The following CDKN2B-AS1 variants were observed in gnomAD, a reference collection of about 807,000 sequenced individuals.
CDKN2B-AS1 encodes CDKN2B and CDKN2A antisense cis and trans regulatory RNA 1.
intron 1 of CDKN2B-AS1, among the ~76,000 whole-genome samples, chr9:22,035,202 T>C (rs1822639639): frequency 6.6e-6 from 1 of 152,152 alleles, no homozygotes; most frequent in South Asian, 2.1e-4. Flanking sequence ...AAATAAGTGC[T>C]GCTGAGGGCA....
At chr9:21,998,735 C>T (rs1025672749) in intron 1 of CDKN2B-AS1, among the ~76,000 whole-genome samples, 1 of 152,082 alleles carries the variant, frequency 6.6e-6, no homozygotes, top group Admixed American at 6.5e-5. Flanking sequence ...TTGTCTTGTT[C>T]TCCTCCTCCC....
intron 4 of CDKN2B-AS1, among the ~76,000 whole-genome samples, chr9:22,091,685 C>A (rs150901650): frequency 6.6e-6 from 1 of 152,136 alleles, no homozygotes; most frequent in Non-Finnish European, 1.5e-5. Context: ...TATCCTGAGA[C>A]TTTGCTGAAG....
At chr9:22,097,382 A>G (rs1019171461) in intron 4 of CDKN2B-AS1, 3 of 152,224 alleles carry the variant, frequency 2.0e-5, no homozygotes, top group African/African-American at 7.2e-5. Context: ...AAAATATCAG[A>G]AAAAGGGAAA....
At chr9:22,015,119 A>G (rs1821684473) in intron 1 of CDKN2B-AS1, among the ~76,000 whole-genome samples, 1 of 152,066 alleles carries the variant, frequency 6.6e-6, no homozygotes, top group Non-Finnish European at 1.5e-5. Flanking sequence ...CTTTGGGTAT[A>G]TACCCAGTAA....
intron 1 of CDKN2B-AS1, among the ~76,000 whole-genome samples, chr9:22,034,778 A>G (rs575552213): frequency 6.6e-6 from 1 of 152,078 alleles, no homozygotes; most frequent in African/African-American, 2.4e-5. Context: ...TGTAATAAAG[A>G]CTCACCCATA....
intron 4 of CDKN2B-AS1, among the ~76,000 whole-genome samples, chr9:22,067,228 A>G (rs1262002280): frequency 1.3e-5 from 2 of 152,180 alleles, no homozygotes; most frequent in African/African-American, 4.8e-5. Flanking sequence ...AACAAAAAAA[A>G]CCACTGCACA....
At chr9:22,008,619 GTC>G (rs1300911352) in intron 1 of CDKN2B-AS1, 8 of 1,559,876 alleles carry the variant, frequency 5.1e-6, no homozygotes, top group Non-Finnish European at 6.1e-6. Context: ...GTTTTTCAAT[GTC>G]TCTCTTTAGG....
At chr9:22,012,720 AAGAT>A (rs1224034060) in intron 1 of CDKN2B-AS1, among the ~76,000 whole-genome samples, 1 of 152,202 alleles carries the variant, frequency 6.6e-6, no homozygotes, top group African/African-American at 2.4e-5. Flanking sequence ...GATTAGGACT[AAGAT>A]AGTGTTTATA....
chr9:22,078,276 T>G (rs1304572991), intron 4 of CDKN2B-AS1, among the ~76,000 whole-genome samples: 1 of 152,204 alleles, frequency 6.6e-6, no homozygotes, highest in Admixed American at 6.5e-5. Flanking sequence ...TTTTTTTTTT[T>G]CAGATTTTGG....
intron 4 of CDKN2B-AS1, among the ~76,000 whole-genome samples, chr9:22,115,298 T>A (rs1051407480): frequency 2.6e-5 from 4 of 152,292 alleles, no homozygotes; most frequent in Non-Finnish European, 1.5e-5. Context: ...GGGGAAGGTG[T>A]CCCTTAGTGA....
chr9:22,025,137 G>A (rs1298930284), intron 1 of CDKN2B-AS1, among the ~76,000 whole-genome samples: 3 of 152,174 alleles, frequency 2.0e-5, no homozygotes, highest in African/African-American at 4.8e-5. Flanking sequence ...CTACCACTTT[G>A]CTTGTCTCTT....
chr9:22,033,159 A>G (rs1480054141), intron 1 of CDKN2B-AS1, among the ~76,000 whole-genome samples: 1 of 152,118 alleles, frequency 6.6e-6, no homozygotes, highest in Non-Finnish European at 1.5e-5. Flanking sequence ...GTTTCAACCC[A>G]GAGCACCCCC....
intron 1 of CDKN2B-AS1, among the ~76,000 whole-genome samples, chr9:22,036,805 G>C (rs958108098): frequency 6.6e-6 from 1 of 152,040 alleles, no homozygotes; most frequent in African/African-American, 2.4e-5. Flanking sequence ...TATCTACTTT[G>C]TGCCTCTTTC....
chr9:22,020,660 T>G (rs559216806), intron 1 of CDKN2B-AS1, among the ~76,000 whole-genome samples: 2 of 152,262 alleles, frequency 1.3e-5, no homozygotes, highest in African/African-American at 2.4e-5. Context: ...ATATGATTGT[T>G]AGCCACATGT....
At chr9:22,101,031 T>G (rs560261444) in intron 4 of CDKN2B-AS1, among the ~76,000 whole-genome samples, 12 of 152,232 alleles carry the variant, frequency 7.9e-5, no homozygotes, top group Non-Finnish European at 1.5e-4. Context: ...TTAGGATTCT[T>G]TGTATTTTTA....
intron 4 of CDKN2B-AS1, among the ~76,000 whole-genome samples, chr9:22,108,614 C>G (rs1420615925): frequency 6.6e-6 from 1 of 152,148 alleles, no homozygotes; most frequent in African/African-American, 2.4e-5. Context: ...CTGAATTATT[C>G]CTTTAGAAAA....
chr9:22,114,492 C>A (rs935984795), intron 4 of CDKN2B-AS1, among the ~76,000 whole-genome samples: 1 of 152,096 alleles, frequency 6.6e-6, no homozygotes, highest in African/African-American at 2.4e-5. Flanking sequence ...TAAGACTCAT[C>A]CCCATGAAGG....
chr9:22,044,240 T>C (rs1043538821), intron 1 of CDKN2B-AS1, among the ~76,000 whole-genome samples: 3 of 152,020 alleles, frequency 2.0e-5, no homozygotes, highest in Non-Finnish European at 4.4e-5. Context: ...TGGTGGCAGA[T>C]TAACATAATT....
chr9:22,107,578 G>T (rs1396003660), intron 4 of CDKN2B-AS1, among the ~76,000 whole-genome samples: 2 of 152,152 alleles, frequency 1.3e-5, no homozygotes, highest in Non-Finnish European at 2.9e-5. Context: ...ATGATCATTT[G>T]TATGTACTAG....
Sources: gnomAD v4.1 joint callset for allele counts (sites outside exome capture counted in the v4.1 genomes callset) on GRCh38, gnomAD v4.1.1 for gene constraint, MANE v1.5 for transcripts, NCBI Gene and HGNC (gene_info 2026-07-23, HGNC 2026-07-21) for gene names.